The following VPS13C variants were observed in gnomAD, a reference collection of about 807,000 sequenced individuals.
VPS13C encodes vacuolar protein sorting 13 homolog C.
VPS13C carries 358 observed loss-of-function variants against 456.8 expected under a neutral mutation model. The observed-to-expected ratio is 0.78, with a 90% confidence interval of 0.72 to 0.86. The LOEUF (loss-of-function observed/expected upper bound fraction) is 0.86. Ranked by LOEUF, VPS13C falls within the 40% of genes least tolerant of loss-of-function variation. The pLI, the probability that VPS13C is intolerant of heterozygous loss-of-function variation, is 0.00. For missense variants in VPS13C, 4,818 were observed against 4,385.4 expected, an observed-to-expected ratio of 1.10 and a Z score of -2.79; for synonymous variants, 1,578 against 1,486.7, an observed-to-expected ratio of 1.06 and a Z score of -1.41.
rs755560944 is a variant in VPS13C at position 61,884,282 on chromosome 15, C to T, written c.9342-13G>A. 4.4e-6 allele frequency: 7 copies of T among 1,605,404 alleles called. No homozygotes were observed. In the South Asian group the frequency reaches 7.9e-5, roughly 18 times the overall value. On this transcript the variant is annotated splice_polypyrimidine_tract_variant and intron_variant, in intron 67 of 84. Coordinates refer to ENST00000644861, the MANE Select transcript of VPS13C (RefSeq NM_020821.3). ...AACAACACCAGAACTAAATAATTCA[C>T]ACAAAAAAATTAAATTAGCAATATG...
Position 62,007,465 on chromosome 15 carries a change from A to G in VPS13C, c.1133T>C (p.Ile378Thr). 2 of 1,582,492 alleles carry G rather than the reference A, an allele frequency of 1.3e-6. No homozygotes were observed. The highest frequency in any genetic ancestry group is 1.7e-6 in the Non-Finnish European group (2 of 1,168,476). The change falls in exon 15 of 85, where the codon ATT becomes ACT. Residue 378 changes from isoleucine (I) to threonine (T), a missense_variant. By Grantham distance (89) the Ile-to-Thr change is moderately conservative (BLOSUM62 -1). Around this residue, in one of 3 missense-constraint regions of VPS13C, gnomAD observed 4,552 missense variants for 4,130.6 expected, o/e 1.10. Coordinates refer to ENST00000644861, the MANE Select transcript of VPS13C (RefSeq NM_020821.3). Reference protein sequence around the residue: ...TNGRRWWKYAIDSVLEVHIRR... With the variant: ...TNGRRWWKYATDSVLEVHIRR... ...TATATGAACTTCAAGAACAGAATCA[A>G]TTGCATATTTCCACCTGAAAATCAA...
intron 49 of VPS13C, among the ~76,000 whole-genome samples, chr15:61,933,880 T>C (rs1289732713): frequency 6.6e-6 from 1 of 152,024 alleles, no homozygotes; most frequent in Non-Finnish European, 1.5e-5. Context: ...TAAGTCGTTA[T>C]ATATACATAT....
At chr15:62,035,922 G>C (rs928830788) in intron 3 of VPS13C, among the ~76,000 whole-genome samples, 2 of 151,962 alleles carry the variant, frequency 1.3e-5, no homozygotes, top group Non-Finnish European at 2.9e-5. Context: ...GACAAGAGAA[G>C]ACCAAAAGGG....
intron 48 of VPS13C, among the ~76,000 whole-genome samples, chr15:61,934,881 G>T (rs1023881378): frequency 1.1e-4 from 16 of 152,042 alleles, no homozygotes; most frequent in African/African-American, 3.9e-4. Context: ...CTCCCAAGTA[G>T]CTGGGACTAC....
intron 16 of VPS13C, 40 bp downstream of exon 16, chr15:62,000,524 A>C: frequency 6.4e-7 from 1 of 1,570,214 alleles, no homozygotes. Flanking sequence ...GCGGGCATTA[A>C]CATGTTTAAA....
At chr15:61,894,037 G>A (rs2042729959) in intron 66 of VPS13C, among the ~76,000 whole-genome samples, 1 of 152,174 alleles carries the variant, frequency 6.6e-6, no homozygotes, top group South Asian at 2.1e-4. Context: ...CAGGCACAGT[G>A]GCTCATGCCT....
chr15:61,881,751 A>C lies in VPS13C; in HGVS notation c.9702T>G (p.Asp3234Glu). 6.2e-7 allele frequency: 1 copy of C among 1,609,064 alleles called. No homozygotes were observed. Among genetic ancestry groups the C allele is most frequent in the Non-Finnish European group, 8.5e-7 (1 of 1,178,630 alleles). ...TCACAACTTATTTTATTTTACCTGAATCTAAAGCAATAGATTTTGGAGGGG... is the reference window on the plus strand; with the variant it reads ...TCACAACTTATTTTATTTTACCTGACTCTAAAGCAATAGATTTTGGAGGGG... ...PVAPPKSIALDSEPKPFIDVS... is the reference protein window; with the variant it reads ...PVAPPKSIALESEPKPFIDVS... The change falls in exon 70 of 85, where the codon GAT (aspartate) becomes GAG (glutamate). Residue 3234 changes from aspartate (D) to glutamate (E), a missense_variant. Asp to Glu is a conservative substitution (Grantham distance 45, BLOSUM62 2). Coordinates refer to ENST00000644861, the MANE Select transcript of VPS13C (RefSeq NM_020821.3).
chr15:61,871,879 T>G (rs1895056913), intron 79 of VPS13C, 110 bp downstream of exon 79: 1 of 927,670 alleles, frequency 1.1e-6, no homozygotes, highest in Non-Finnish European at 1.6e-6. Context: ...AATATAAAAT[T>G]CAGTCAGTAA....
At chr15:62,054,731 G>A (rs1163877637) in intron 1 of VPS13C, among the ~76,000 whole-genome samples, 3 of 146,782 alleles carry the variant, frequency 2.0e-5, no homozygotes, top group Non-Finnish European at 4.5e-5. Flanking sequence ...ACTTAAAGTA[G>A]AAGTAAAAAA....
intron 20 of VPS13C, 33 bp downstream of exon 20, chr15:61,983,787 T>C (rs756555413): frequency 6.3e-7 from 1 of 1,598,224 alleles, no homozygotes. Context: ...ATAAGATGAT[T>C]TAAATAAAGA....
intron 58 of VPS13C, among the ~76,000 whole-genome samples, chr15:61,918,667 G>A (rs1174191260): frequency 2.6e-5 from 4 of 151,922 alleles, no homozygotes; most frequent in Non-Finnish European, 4.4e-5. Flanking sequence ...AGTCTGTTAC[G>A]CATTGGAGCA....
intron 60 of VPS13C, among the ~76,000 whole-genome samples, chr15:61,916,537 T>A (rs1163505835): frequency 6.6e-6 from 1 of 152,186 alleles, no homozygotes; most frequent in Non-Finnish European, 1.5e-5. Flanking sequence ...GTTTCCTTAC[T>A]AAAAATCTCC....
At chr15:61,925,618 CA>C in intron 52 of VPS13C, 70 bp from the exon 53 acceptor site, 1 of 1,107,414 alleles carries the variant, frequency 9.0e-7, no homozygotes, top group Non-Finnish European at 1.2e-6. Context: ...TTACAAGAAC[CA>C]TGTCTTACTT....
chr15:61,986,431 T>C (rs2046057133), intron 18 of VPS13C, among the ~76,000 whole-genome samples: 1 of 152,226 alleles, frequency 6.6e-6, no homozygotes, highest in East Asian at 1.9e-4. Context: ...AAGAGAGAAT[T>C]AGAGGAAACT....
chr15:62,046,376 G>A (rs1204949874), intron 1 of VPS13C, among the ~76,000 whole-genome samples: 1 of 151,930 alleles, frequency 6.6e-6, no homozygotes, highest in Non-Finnish European at 1.5e-5. Flanking sequence ...AGCAACAGGG[G>A]GAAAAAAGTC....
rs753953036 is a variant in VPS13C at position 61,951,784 on chromosome 15, G to A, written c.4456+40C>T. Reference sequence around the variant, plus strand: ...GTTGATAAAAAGGTAGGGATCATCTGCCTAATGAATAATTTACACAGACAA... The same window carrying A: ...GTTGATAAAAAGGTAGGGATCATCTACCTAATGAATAATTTACACAGACAA... On this transcript the variant is annotated intron_variant, in intron 39 of 84. Coordinates refer to ENST00000644861, the MANE Select transcript of VPS13C (RefSeq NM_020821.3). 2.3e-5 allele frequency: 36 copies of A among 1,568,198 alleles called. No homozygotes were observed. In the East Asian group the frequency reaches 6.3e-4, roughly 28 times the overall value.
intron 48 of VPS13C, chr15:61,935,329 G>C (rs780858011): frequency 1.3e-5 from 2 of 152,042 alleles, no homozygotes; most frequent in Non-Finnish European, 2.9e-5. Context: ...TCATACTATA[G>C]AACAGTCTGT....
At position 61,920,647 on chromosome 15, in the gene VPS13C, C is replaced by A. The variant is rs1397935073; in HGVS notation, c.7063G>T (p.Val2355Leu). 6.4e-7 allele frequency: 1 copy of A among 1,558,824 alleles called. No individual in the cohort carries two copies. Among genetic ancestry groups the A allele is most frequent in the Admixed American group, 2.3e-5 (1 of 43,176 alleles). The stretch of plus-strand genomic sequence containing the variant: ...TTATCCTGAACTGGGTTCTTCTTTA[C>A]CTATGAAGAAAAATAACACAGCAAA... ...GKRQWNLRLD[V>L]KKNPVQDKSL... The change falls in exon 56 of 85, where the codon GTA becomes TTA. Residue 2355 changes from valine (V) to leucine (L), a missense_variant and splice_region_variant. Coordinates refer to ENST00000644861, the MANE Select transcript of VPS13C (RefSeq NM_020821.3).
At chr15:61,900,145 C>T (rs2042952466) in intron 66 of VPS13C, among the ~76,000 whole-genome samples, 1 of 152,138 alleles carries the variant, frequency 6.6e-6, no homozygotes, top group African/African-American at 2.4e-5. Context: ...GACAAACCCA[C>T]AGCCAATATC....
Sources: allele counts gnomAD v4.1 joint callset (sites outside exome capture counted in the v4.1 genomes callset), GRCh38; gene constraint gnomAD v4.1.1; regional missense constraint gnomAD v4.1.1; transcripts MANE v1.5; gene names NCBI Gene and HGNC (gene_info 2026-07-23, HGNC 2026-07-21).